Variants in SYNE2 observed in about 807,000 individuals in gnomAD.
The protein encoded by SYNE2 is spectrin repeat containing nuclear envelope protein 2, also known as nesprin-2.
Under a neutral mutation model 856.3 loss-of-function variants are expected in SYNE2, and 431 were observed. The observed-to-expected ratio is 0.50, with a 90% confidence interval of 0.47 to 0.55. The LOEUF (loss-of-function observed/expected upper bound fraction) is 0.55, where lower values mean the gene tolerates loss of function less well. Among genes scored for constraint, SYNE2 ranks in the 20% least tolerant of loss-of-function variants. The pLI, the probability that SYNE2 is intolerant of heterozygous loss-of-function variation, is 0.00. For missense variants in SYNE2, 8,129 were observed against 8,023.2 expected, an observed-to-expected ratio of 1.01 and a Z score of -0.50; for synonymous variants, 2,923 against 2,872.3, an observed-to-expected ratio of 1.02 and a Z score of -0.56.
intron 61 of SYNE2, among the ~76,000 whole-genome samples, chr14:64,095,418 G>A (rs1004623724): frequency 2.0e-5 from 3 of 152,172 alleles, no homozygotes; most frequent in Non-Finnish European, 4.4e-5. Flanking sequence ...TTCTAACAAT[G>A]CATGATTTTA....
At chr14:64,041,670 A>G (rs572768636) in intron 45 of SYNE2, among the ~76,000 whole-genome samples, 1 of 152,038 alleles carries the variant, frequency 6.6e-6, no homozygotes, top group East Asian at 1.9e-4. Context: ...GCAGCATAGA[A>G]GACCCGATCT....
chr14:63,926,064 G>C (rs1401916183), intron 2 of SYNE2, among the ~76,000 whole-genome samples: 1 of 151,796 alleles, frequency 6.6e-6, no homozygotes, highest in East Asian at 1.9e-4. Context: ...GACTGGTCTT[G>C]AACTCCTGAG....
At chr14:63,989,329 G>T (rs1285731465) in intron 19 of SYNE2, among the ~76,000 whole-genome samples, 1 of 152,034 alleles carries the variant, frequency 6.6e-6, no homozygotes, top group Non-Finnish European at 1.5e-5. Flanking sequence ...TAGCAGATCA[G>T]ATTTTATTTT....
intron 100 of SYNE2, among the ~76,000 whole-genome samples, chr14:64,206,297 A>C (rs917551118): frequency 1.3e-5 from 2 of 152,212 alleles, no homozygotes; most frequent in Non-Finnish European, 2.9e-5. Context: ...GTTGTTTCTT[A>C]AATCCACTTT....
rs571077111 is a variant in SYNE2, at chr14:63,845,085, T to A, written c.-304-7416T>A. On this transcript the variant is annotated intron_variant, in intron 1 of 23. Transcript: ENST00000674003. ...CTAGGCTATCTATCTCTACTGAAAT[T>A]AATTTTGGCATATTGCAAGTTCCAT... 5.3e-5 allele frequency among the ~76,000 whole-genome samples: 8 copies of A among 152,304 alleles called. No homozygotes were observed. In the East Asian group the frequency reaches 1.3e-3, roughly 26 times the overall value.
intron 1 of SYNE2, among the ~76,000 whole-genome samples, chr14:63,881,377 T>A (rs2094859723): frequency 6.6e-6 from 1 of 151,816 alleles, no homozygotes; most frequent in Non-Finnish European, 1.5e-5. Context: ...GAATAAAAAT[T>A]TGGGCCAGGC....
Position 64,159,358 on chromosome 14 carries a change from T to G in SYNE2, c.16010T>G (p.Leu5337Arg), listed in dbSNP as rs764652523. The change falls in exon 87 of 116, where the codon CTC becomes CGC. Residue 5337 changes from leucine (L) to arginine (R), a missense_variant. Physicochemically the swap from Leu to Arg is moderately radical, Grantham distance 102. Coordinates refer to ENST00000555002, the MANE Select transcript of SYNE2 (RefSeq NM_182914.3). ...AESSEGSWEK[L>R]QEVIGKLKGL... ...AGCAGTGAAGGGAGTTGGGAGAAAC[T>G]CCAGGAGGTTATCGGCAAACTCAAA... 6.8e-6 allele frequency: 11 copies of G among 1,614,026 alleles called. No individual in the cohort carries two copies. The East Asian group carries it at 2.5e-4, about 36-fold the overall frequency.
At chr14:64,018,748 C>T (rs377668371) in intron 34 of SYNE2, among the ~76,000 whole-genome samples, 3 of 152,254 alleles carry the variant, frequency 2.0e-5, no homozygotes, top group African/African-American at 7.2e-5. Flanking sequence ...CCGATCTAGA[C>T]CATGATTTTA....
chr14:64,144,267 A>T (rs1209429050), intron 83 of SYNE2, among the ~76,000 whole-genome samples: 1 of 152,224 alleles, frequency 6.6e-6, no homozygotes, highest in Non-Finnish European at 1.5e-5. Flanking sequence ...ATGAAAGCAG[A>T]TGTTCAAAAG....
At position 64,182,058 on chromosome 14, in the gene SYNE2, G is replaced by T. The variant is rs970959721; in HGVS notation, c.17557-4366G>T. On this transcript the variant is annotated intron_variant, in intron 96 of 115. Coordinates refer to ENST00000555002, the MANE Select transcript of SYNE2 (RefSeq NM_182914.3). ...CAGGTCAAATTTTATTTATATACCC[G>T]TTCTTTTTTGGTCCTCCTTTACCCA... 4.6e-5 allele frequency among the ~76,000 whole-genome samples: 7 copies of T among 152,190 alleles called. 1 individual carries two copies. The South Asian group carries it at 1.5e-3, about 32-fold the overall frequency.
chr14:63,836,132 C>G (rs983281512), intron 1 of SYNE2, among the ~76,000 whole-genome samples: 2 of 152,116 alleles, frequency 1.3e-5, no homozygotes, highest in Non-Finnish European at 2.9e-5. Context: ...GGTGATCCTC[C>G]CACCTCAGAC....
At chr14:63,995,730 C>CT (rs2096708279) in intron 23 of SYNE2, among the ~76,000 whole-genome samples, 14 of 113,528 alleles carry the variant, frequency 1.2e-4, no homozygotes, top group South Asian at 2.4e-4. Flanking sequence ...TATATCTATC[C>CT]ATCTATCTAT....
At chr14:64,016,729 T>C (rs1476762049) in intron 33 of SYNE2, 98 bp downstream of exon 33, 10 of 852,852 alleles carry the variant, frequency 1.2e-5, no homozygotes, top group Admixed American at 2.7e-5. Context: ...AAAATACTCA[T>C]TGTAAAAATG....
chr14:64,101,058 T>G (rs569988322), intron 63 of SYNE2, among the ~76,000 whole-genome samples: 1 of 152,346 alleles, frequency 6.6e-6, no homozygotes, highest in South Asian at 2.1e-4. Flanking sequence ...CATTTGTTGG[T>G]GGACACTTAG....
rs375810558 is a variant in SYNE2 at position 64,122,375 on chromosome 14, A to T, written c.13370A>T (p.His4457Leu). Reference protein sequence around the residue: ...QNGDKWQYLHHELSSKIKLPL... With the variant: ...QNGDKWQYLHLELSSKIKLPL... ...GGAGATAAGTGGCAATATCTGCATC[A>T]TGAACTCTCATCAAAAATAAAGCTC... is the stretch of plus-strand genomic sequence containing the variant. Residue 4457 changes from histidine (H) to leucine (L), a missense_variant, in exon 70 of 116, where the codon CAT (histidine) becomes CTT (leucine). By Grantham distance (99) the His-to-Leu change is moderately conservative (BLOSUM62 -3). This residue lies in a region of SYNE2 where 5,410 missense variants were observed against 5,284.8 expected (regional missense o/e 1.02). Coordinates refer to ENST00000555002, the MANE Select transcript of SYNE2 (RefSeq NM_182914.3). The T allele has an allele frequency of 6.2e-7, 1 of 1,614,214 alleles. No individual in the cohort carries two copies. Among genetic ancestry groups the T allele is most frequent in the South Asian group, 1.1e-5 (1 of 91,080 alleles).
At chr14:63,931,734 T>A (rs949068743) in intron 2 of SYNE2, among the ~76,000 whole-genome samples, 1 of 152,138 alleles carries the variant, frequency 6.6e-6, no homozygotes, top group Admixed American at 6.5e-5. Context: ...ATTACACTGC[T>A]GAGGGGAAGC....
intron 1 of SYNE2, among the ~76,000 whole-genome samples, chr14:63,884,974 A>G (rs1262556343): frequency 6.6e-6 from 1 of 152,096 alleles, no homozygotes; most frequent in Admixed American, 6.6e-5. Flanking sequence ...AAGTAGCCAG[A>G]GCAATAGTTT....
chr14:63,925,032 T>C (rs1401789071), intron 2 of SYNE2, among the ~76,000 whole-genome samples: 1 of 152,122 alleles, frequency 6.6e-6, no homozygotes, highest in African/African-American at 2.4e-5. Context: ...CCAGGTGCAG[T>C]GGCTCATGCC....
chr14:64,053,053 A>G lies in SYNE2; in HGVS notation c.9140A>G (p.Lys3047Arg), dbSNP rs201471505. ...GACACATTTGAGGAAGAACATGGCAAATATCAGGCATTATTAAGTAAAATG... is the reference window on the plus strand; with the variant it reads ...GACACATTTGAGGAAGAACATGGCAGATATCAGGCATTATTAAGTAAAATG... ...QLDTFEEEHG[K>R]YQALLSKMRA... The change falls in exon 48 of 116, where the codon AAA becomes AGA. Residue 3047 changes from lysine (K) to arginine (R), a missense_variant. Physicochemically the swap from Lys to Arg is conservative, Grantham distance 26. Transcript: ENST00000555002. 2.7e-5 allele frequency: 44 copies of G among 1,614,098 alleles called. No individual in the cohort carries two copies. The Admixed American group carries it at 7.3e-4, about 27-fold the overall frequency.
Sources: allele counts gnomAD v4.1 joint callset (sites outside exome capture counted in the v4.1 genomes callset), GRCh38; gene constraint gnomAD v4.1.1; regional missense constraint gnomAD v4.1.1; transcripts MANE v1.5; gene names NCBI Gene and HGNC (gene_info 2026-07-23, HGNC 2026-07-21).